Variants in TRABD2A observed in about 807,000 individuals in gnomAD.
The protein encoded by TRABD2A is TraB domain containing 2A.
Under a neutral mutation model 45.6 loss-of-function variants are expected in TRABD2A, and 43 were observed. The observed-to-expected ratio is 0.94, with a 90% CI of 0.74 to 1.22. TRABD2A has a LOEUF of 1.22. Ranked by LOEUF, TRABD2A falls within the 50% of genes most tolerant of loss-of-function variation. The pLI, the probability that TRABD2A is intolerant of heterozygous loss-of-function variation, is 0.00. For synonymous variants in TRABD2A, 269 were observed against 265.0 expected, an observed-to-expected ratio of 1.02 and a Z score of -0.15; for missense variants, 642 against 652.4, an observed-to-expected ratio of 0.98 and a Z score of 0.17.
At chr2:84,871,047 C>A (rs951786259) in intron 1 of TRABD2A, among the ~76,000 whole-genome samples, 1 of 152,172 alleles carries the variant, frequency 6.6e-6, no homozygotes. Flanking sequence ...TTAAAAGAAG[C>A]ATCTCTGAGT....
chr2:84,868,505 TTAAC>T (rs1400654876), intron 2 of TRABD2A, among the ~76,000 whole-genome samples: 6 of 142,444 alleles, frequency 4.2e-5, no homozygotes, highest in African/African-American at 1.8e-4. Flanking sequence ...TATTAACTAA[TTAAC>T]TAATTAGTTA....
intron 1 of TRABD2A, 130 bp downstream of exon 1, chr2:84,880,802 G>C: frequency 4.4e-6 from 6 of 1,353,898 alleles, no homozygotes; most frequent in Non-Finnish European, 6.0e-6. Flanking sequence ...GGAGCGCCGC[G>C]GTGCTAGGTG....
At chr2:84,870,187 C>A (rs751652586) in intron 2 of TRABD2A, 38 bp downstream of exon 2, 8 of 1,557,852 alleles carry the variant, frequency 5.1e-6, no homozygotes, top group African/African-American at 1.4e-5. Flanking sequence ...CCCATACAAC[C>A]AAATGCCACT....
At position 84,823,965 on chromosome 2, in the gene TRABD2A, C is replaced by A. The variant is rs377499574; in HGVS notation, c.1322G>T (p.Arg441Leu). 1.9e-6 allele frequency: 3 copies of A among 1,613,698 alleles called. No homozygotes were observed. The highest frequency in any genetic ancestry group is 2.7e-5 in the African/African-American group (2 of 74,912). ...CTACTCGCCTGACCTCTCCTCCAGGCGGACCCACAGATCGCTGAATTGCCG... is the reference window on the plus strand; with the variant it reads ...CTACTCGCCTGACCTCTCCTCCAGGAGGACCCACAGATCGCTGAATTGCCG... ...RLRQFSDLWV[R>L]LEESDIVPQL... Residue 441 changes from arginine to leucine, a missense_variant, in exon 6 of 7, where the codon CGC becomes CTC. Transcript: ENST00000409520.
intron 4 of TRABD2A, chr2:84,836,844 T>C (rs927854676): frequency 6.6e-6 from 1 of 152,150 alleles, no homozygotes; most frequent in Non-Finnish European, 1.5e-5. Flanking sequence ...AGTGAATTTT[T>C]CATTTCAGTT....
rs1446038863 is a variant in TRABD2A at position 84,831,013 on chromosome 2, G to A, written c.1082+1042C>T. On this transcript the variant is annotated intron_variant, in intron 5 of 6. Transcript: ENST00000409520. ...AGGCAGTGGGGGCCAGAGGAATGGA[G>A]GGGATATTAGGGGCTGATGTGTGCC... is the stretch of plus-strand genomic sequence containing the variant. 3.3e-5 allele frequency among the ~76,000 whole-genome samples: 5 copies of A among 152,144 alleles called. No homozygotes were observed. The East Asian group carries it at 9.6e-4, about 29-fold the overall frequency.
At chr2:84,878,025 A>AT (rs926927630) in intron 1 of TRABD2A, among the ~76,000 whole-genome samples, 1 of 152,222 alleles carries the variant, frequency 6.6e-6, no homozygotes. Flanking sequence ...ATAAACAAAA[A>AT]TTTTTATCAG....
At chr2:84,880,261 T>C (rs1205185661) in intron 1 of TRABD2A, among the ~76,000 whole-genome samples, 1 of 151,782 alleles carries the variant, frequency 6.6e-6, no homozygotes, top group Non-Finnish European at 1.5e-5. Flanking sequence ...CTCGGGCAGG[T>C]CACTGAGCCT....
In TRABD2A at chr2:84,870,466, C is replaced by T. The variant is rs1863772; in HGVS notation, c.428G>A (p.Arg143His). 0.035 allele frequency: 56,233 copies of T among 1,613,986 alleles called. 1,161 individuals carry two copies. The highest frequency in any genetic ancestry group is 0.055 in the South Asian group (5,046 of 91,084). The change falls in exon 2 of 7, where the codon CGC (arginine) becomes CAC (histidine). Residue 143 changes from arginine (R) to histidine (H), a missense_variant. Transcript: ENST00000409520. ...MMPLWMTPDQ[R>H]GKGLYADYLF... is the part of the protein sequence containing the mutation. ...GTAGTCTGCGTAGAGCCCCTTGCCG[C>T]GCTGGTCTGGGGTCATCCACAAGGG...
chr2:84,879,533 G>A (rs1683134356), intron 1 of TRABD2A: 3 of 933,592 alleles, frequency 3.2e-6, no homozygotes, highest in Non-Finnish European at 3.8e-6. Flanking sequence ...AAGGTAGGAC[G>A]ATGGAATAAA....
chr2:84,839,488 A>G (rs1681637578), intron 3 of TRABD2A, among the ~76,000 whole-genome samples, 165 bp from the exon 4 acceptor site: 2 of 152,112 alleles, frequency 1.3e-5, no homozygotes, highest in African/African-American at 4.8e-5. Context: ...ACTCTATCAC[A>G]TTCCCTGTAA....
chr2:84,876,717 G>A (rs1683036220), intron 1 of TRABD2A, among the ~76,000 whole-genome samples: 1 of 152,096 alleles, frequency 6.6e-6, no homozygotes, highest in Admixed American at 6.6e-5. Context: ...TCTTTTTTCA[G>A]TTAATACCCT....
chr2:84,844,590 A>G (rs898836111), intron 2 of TRABD2A, among the ~76,000 whole-genome samples: 4 of 152,236 alleles, frequency 2.6e-5, no homozygotes, highest in Non-Finnish European at 5.9e-5. Flanking sequence ...TAAATGAGAC[A>G]ACTCAGCCTT....
intron 4 of TRABD2A, chr2:84,837,621 T>A (rs1030208515): frequency 6.6e-6 from 1 of 152,268 alleles, no homozygotes; most frequent in Non-Finnish European, 1.5e-5. Flanking sequence ...GCTCAGTTAG[T>A]TTAGTGGCTG....
chr2:84,864,565 C>T (rs936468212), intron 2 of TRABD2A, among the ~76,000 whole-genome samples: 2 of 152,112 alleles, frequency 1.3e-5, no homozygotes, highest in African/African-American at 4.8e-5. Flanking sequence ...CTGTCCTGCA[C>T]TAACTCTTGC....
Position 84,870,459 on chromosome 2 carries a change from C to A in TRABD2A, c.435G>T (p.Lys145Asn), listed in dbSNP as rs1225875558. The A allele has an allele frequency of 3.7e-6, 6 of 1,614,034 alleles. No individual in the cohort carries two copies. Among genetic ancestry groups the A allele is most frequent in the Non-Finnish European group, 5.1e-6 (6 of 1,179,894 alleles). Residue 145 changes from lysine to asparagine, a missense_variant, in exon 2 of 7, where the codon AAG (lysine) becomes AAT (asparagine). Coordinates refer to ENST00000409520, the MANE Select transcript of TRABD2A (RefSeq NM_001277053.2). ...TGAAGAGGTAGTCTGCGTAGAGCCC[C>A]TTGCCGCGCTGGTCTGGGGTCATCC... Reference protein sequence around the residue: ...PLWMTPDQRGKGLYADYLFNA... With the variant: ...PLWMTPDQRGNGLYADYLFNA...
chr2:84,846,483 A>G (rs1430135235), intron 2 of TRABD2A, among the ~76,000 whole-genome samples: 3 of 152,232 alleles, frequency 2.0e-5, no homozygotes, highest in African/African-American at 2.4e-5. Flanking sequence ...GTGATGAGGT[A>G]GAAGGGGCTG....
chr2:84,828,354 C>A (rs552084186), intron 5 of TRABD2A, among the ~76,000 whole-genome samples: 17 of 152,308 alleles, frequency 1.1e-4, no homozygotes, highest in African/African-American at 3.6e-4. Context: ...ATGTCCCCAG[C>A]CACACCAGCC....
At chr2:84,839,391 G>A (rs899756111) in intron 3 of TRABD2A, 68 bp from the exon 4 acceptor site, 7 of 1,443,776 alleles carry the variant, frequency 4.8e-6, no homozygotes, top group Non-Finnish European at 6.6e-6. Flanking sequence ...CTTCATTGGA[G>A]CATCAAATCC....
Sources: allele counts gnomAD v4.1 joint callset (sites outside exome capture counted in the v4.1 genomes callset), GRCh38; gene constraint gnomAD v4.1.1; transcripts MANE v1.5; gene names NCBI Gene and HGNC (gene_info 2026-07-23, HGNC 2026-07-21).